Variants in WWOX observed in about 807,000 individuals in gnomAD.
WWOX encodes the protein WW domain-containing oxidoreductase.
Under a neutral mutation model 46.2 loss-of-function variants are expected in WWOX, and 69 were observed. The observed-to-expected ratio is 1.49, with a 90% CI of 1.23 to 1.82. WWOX has a LOEUF of 1.82. WWOX is among the 40% of genes most tolerant of loss of function. WWOX has a pLI of 0.00. For missense variants in WWOX, 919 were observed against 542.6 expected (o/e 1.69, Z -6.89); for synonymous variants, 359 against 202.6 (o/e 1.77, Z -6.56).
chr16:78,980,823 T>C (rs111248261), intron 8 of WWOX, among the ~76,000 whole-genome samples: 4 of 152,338 alleles, frequency 2.6e-5, no homozygotes, highest in Admixed American at 2.0e-4. Context: ...TAGGGTTATC[T>C]TGAAAGTCCT....
chr16:78,183,300 A>T (rs1416371818), intron 5 of WWOX, among the ~76,000 whole-genome samples: 19 of 152,284 alleles, frequency 1.2e-4, no homozygotes, highest in Non-Finnish European at 2.5e-4. Flanking sequence ...CAAGGCCTGT[A>T]TTATGGCCCA....
At chr16:78,861,264 C>T (rs1045580683) in intron 8 of WWOX, among the ~76,000 whole-genome samples, 1 of 152,230 alleles carries the variant, frequency 6.6e-6, no homozygotes. Context: ...TGCCTGACTT[C>T]AAGCTGGGAC....
chr16:78,658,018 C>G (rs971440420), intron 8 of WWOX, among the ~76,000 whole-genome samples: 6 of 152,042 alleles, frequency 3.9e-5, no homozygotes, highest in African/African-American at 1.4e-4. Flanking sequence ...AACCTTGGCA[C>G]TATTGACATT....
chr16:78,755,913 G>T (rs964741005), intron 8 of WWOX, among the ~76,000 whole-genome samples: 1 of 152,108 alleles, frequency 6.6e-6, no homozygotes, highest in Non-Finnish European at 1.5e-5. Flanking sequence ...TTTTTGTCAG[G>T]ACGCTATGAT....
At chr16:78,468,270 T>C (rs1378313102) in intron 8 of WWOX, among the ~76,000 whole-genome samples, 1 of 151,778 alleles carries the variant, frequency 6.6e-6, no homozygotes, top group Non-Finnish European at 1.5e-5. Context: ...CTTTCTTTTT[T>C]TTTTTTTTTT....
At chr16:78,412,402 G>C (rs566528594) in intron 6 of WWOX, among the ~76,000 whole-genome samples, 2 of 152,308 alleles carry the variant, frequency 1.3e-5, no homozygotes, top group African/African-American at 4.8e-5. Context: ...CTGGAACTTG[G>C]AAAGAATATA....
chr16:78,140,941 G>C (rs1045752731), intron 4 of WWOX, among the ~76,000 whole-genome samples: 19 of 152,204 alleles, frequency 1.2e-4, no homozygotes, highest in African/African-American at 1.9e-4. Context: ...TATTTCCTGA[G>C]GGTCTAGTAT....
chr16:79,040,263 C>G (rs888047202), intron 8 of WWOX, among the ~76,000 whole-genome samples: 2 of 141,016 alleles, frequency 1.4e-5, no homozygotes, highest in Non-Finnish European at 3.0e-5. Context: ...TCAGTTCATT[C>G]TTTCTGAGTT....
At chr16:79,032,532 C>G (rs954212881) in intron 8 of WWOX, among the ~76,000 whole-genome samples, 5 of 145,394 alleles carry the variant, frequency 3.4e-5, no homozygotes, top group Middle Eastern at 3.3e-3. Flanking sequence ...ACACAATAGT[C>G]TAGTATATAT....
intron 8 of WWOX, among the ~76,000 whole-genome samples, chr16:79,017,977 C>G (rs1002363486): frequency 6.6e-6 from 1 of 152,156 alleles, no homozygotes; most frequent in Admixed American, 6.5e-5. Context: ...CATTTGCACA[C>G]CACAGTATCC....
At chr16:78,794,719 T>C (rs2050693539) in intron 8 of WWOX, among the ~76,000 whole-genome samples, 1 of 152,242 alleles carries the variant, frequency 6.6e-6, no homozygotes, top group South Asian at 2.1e-4. Context: ...CTGTTATTAT[T>C]AGCTCTGCTA....
rs2044949393 is a variant in WWOX at position 78,578,278 on chromosome 16, A to ATTTTTTT, written c.1056+145527_1056+145528insTTTTTTT. On this transcript the variant is annotated intron_variant, in intron 8 of 8. Transcript: ENST00000566780. ...TTTATATATATATATATATATATAT[A>ATTTTTTT]TATATATTTTTTTTTTTTTTTTTTT... Among the ~76,000 whole-genome samples, 11 of 33,834 alleles carry ATTTTTTT rather than the reference A, an allele frequency of 3.3e-4. 1 individual carries two copies. Among genetic ancestry groups the ATTTTTTT allele is most frequent in the African/African-American group, 1.1e-3 (8 of 7,308 alleles). The allele number at this position is 33,834 out of a possible 152,430, so 22.2% of individuals were successfully genotyped here. A position where few individuals can be genotyped will look rare whatever the true frequency, so the allele number is the denominator to read the frequency against.
At chr16:78,842,258 C>T (rs572625580) in intron 8 of WWOX, among the ~76,000 whole-genome samples, 7 of 150,956 alleles carry the variant, frequency 4.6e-5, no homozygotes, top group Non-Finnish European at 7.4e-5. Context: ...CTTTTAGAAG[C>T]TGAGGCAGGA....
chr16:78,629,987 A>G (rs866449254), intron 8 of WWOX, among the ~76,000 whole-genome samples: 45 of 152,168 alleles, frequency 3.0e-4, no homozygotes, highest in African/African-American at 1.1e-3. Flanking sequence ...TGTCCTCCCC[A>G]CTTCTCTTCC....
intron 8 of WWOX, among the ~76,000 whole-genome samples, chr16:78,873,952 C>T (rs1307723676): frequency 2.0e-5 from 3 of 151,820 alleles, no homozygotes; most frequent in Non-Finnish European, 2.9e-5. Flanking sequence ...TGTAACTACC[C>T]ACAGTAATCA....
At chr16:78,708,505 T>C (rs1014318251) in intron 8 of WWOX, among the ~76,000 whole-genome samples, 1 of 152,200 alleles carries the variant, frequency 6.6e-6, no homozygotes, top group African/African-American at 2.4e-5. Context: ...ATCAAGCGTT[T>C]ACCATCTGCT....
chr16:78,376,971 T>G (rs1268422853), intron 5 of WWOX, among the ~76,000 whole-genome samples: 2 of 152,240 alleles, frequency 1.3e-5, no homozygotes, highest in African/African-American at 4.8e-5. Flanking sequence ...TTAACCACTA[T>G]TGACTTGCGA....
At chr16:78,404,011 A>T (rs936519368) in intron 6 of WWOX, among the ~76,000 whole-genome samples, 2 of 152,220 alleles carry the variant, frequency 1.3e-5, no homozygotes, top group African/African-American at 4.8e-5. Context: ...GAAAATCAGA[A>T]GAGCAACTCC....
chr16:78,449,035 A>T (rs1367531901), intron 8 of WWOX, among the ~76,000 whole-genome samples: 4 of 152,158 alleles, frequency 2.6e-5, no homozygotes, highest in Non-Finnish European at 5.9e-5. Flanking sequence ...CAGGGTAGAA[A>T]TTCACCTATG....
Sources: allele counts gnomAD v4.1 joint callset (sites outside exome capture counted in the v4.1 genomes callset), GRCh38; gene constraint gnomAD v4.1.1; transcripts MANE v1.5; gene names NCBI Gene and HGNC (gene_info 2026-07-23, HGNC 2026-07-21).